The following NTRK3 variants were observed in gnomAD, a reference collection of about 807,000 sequenced individuals.
NTRK3 encodes NT-3 growth factor receptor.
NTRK3 carries 24 observed loss-of-function variants against 91.7 expected under a neutral mutation model. That is an observed-to-expected ratio of 0.26 (90% CI 0.19 to 0.37). The LOEUF (loss-of-function observed/expected upper bound fraction) is 0.37. NTRK3 is among the 10% of genes least tolerant of loss of function. The probability of loss-of-function intolerance (pLI) is 1.00; values close to 1 mark genes in which losing one functional copy is unlikely to be tolerated. For missense variants in NTRK3, 880 were observed against 1,068.9 expected (o/e 0.82, Z 2.46); for synonymous variants, 483 against 404.0 (o/e 1.20, Z -2.34).
intron 3 of NTRK3, among the ~76,000 whole-genome samples, chr15:88,245,425 G>A (rs116995399): frequency 0.036 from 5,490 of 152,266 alleles, 155 homozygotes; most frequent in Non-Finnish European, 0.052. Flanking sequence ...GGCAGAGCCA[G>A]GATTTAAACT....
chr15:88,215,441 G>A (rs769048607), intron 3 of NTRK3, among the ~76,000 whole-genome samples: 6 of 152,192 alleles, frequency 3.9e-5, no homozygotes, highest in African/African-American at 1.2e-4. Flanking sequence ...CTCCGTTGAC[G>A]CAGAGCTCCC....
intron 13 of NTRK3, among the ~76,000 whole-genome samples, chr15:88,113,246 T>G (rs2051623419): frequency 6.6e-6 from 1 of 152,020 alleles, no homozygotes; most frequent in African/African-American, 2.4e-5. Flanking sequence ...TAGCTATTAA[T>G]ATTATGACCT....
exon 19 of NTRK3, chr15:87,876,658 T>C (rs967976284): frequency 1.4e-5 from 3 of 215,422 alleles, no homozygotes; most frequent in Non-Finnish European, 2.8e-5. Context: ...GCAGCTTCTC[T>C]GTGTACTAGA....
intron 17 of NTRK3, among the ~76,000 whole-genome samples, chr15:87,921,483 C>A (rs1295999043): frequency 6.6e-6 from 1 of 152,140 alleles, no homozygotes; most frequent in Non-Finnish European, 1.5e-5. Flanking sequence ...AGGGGTCAAG[C>A]CTCCCTACTC....
chr15:88,116,736 C>T (rs1008973898), intron 13 of NTRK3, among the ~76,000 whole-genome samples: 1 of 152,188 alleles, frequency 6.6e-6, no homozygotes, highest in Non-Finnish European at 1.5e-5. Flanking sequence ...CCAGAATCTT[C>T]CAATATTCAC....
At chr15:88,208,686 G>A (rs562716330) in intron 3 of NTRK3, among the ~76,000 whole-genome samples, 1 of 152,252 alleles carries the variant, frequency 6.6e-6, no homozygotes, top group East Asian at 1.9e-4. Flanking sequence ...GGAAGAGCTG[G>A]GTTTGATGGC....
At chr15:87,865,198 T>C (rs1022209930) in exon 19 of NTRK3, 11 of 206,654 alleles carry the variant, frequency 5.3e-5, no homozygotes, top group Non-Finnish European at 9.9e-6. Flanking sequence ...TAGAAAATCA[T>C]GTATAGCATT....
At chr15:88,169,275 AT>A (rs2045289478) in intron 5 of NTRK3, among the ~76,000 whole-genome samples, 1 of 152,230 alleles carries the variant, frequency 6.6e-6, no homozygotes, top group Admixed American at 6.5e-5. Flanking sequence ...TGAGATTTCA[AT>A]GTTTAATCAG....
At chr15:88,136,534 C>G (rs2041892179) in exon 8 of NTRK3, 1 of 1,613,882 alleles carries the variant, frequency 6.2e-7, no homozygotes. Context: ...TGATCCAGAG[C>G]CATTGCAAGT....
At chr15:88,083,023 T>C (rs902991192) in intron 13 of NTRK3, among the ~76,000 whole-genome samples, 1 of 152,228 alleles carries the variant, frequency 6.6e-6, no homozygotes, top group African/African-American at 2.4e-5. Flanking sequence ...CTTTGGAATG[T>C]CTGGATGACT....
At chr15:87,909,599 T>A (rs1385429253) in intron 17 of NTRK3, among the ~76,000 whole-genome samples, 1 of 152,034 alleles carries the variant, frequency 6.6e-6, no homozygotes, top group East Asian at 1.9e-4. Flanking sequence ...GATGGGCAGT[T>A]GGGAAGAGAA....
At chr15:87,875,662 C>A (rs530794172) in exon 19 of NTRK3, 1 of 232,812 alleles carries the variant, frequency 4.3e-6, no homozygotes, top group East Asian at 6.1e-5. Flanking sequence ...GAGGAGAATG[C>A]CAAGGGGCCT....
intron 17 of NTRK3, 100 bp downstream of exon 17, chr15:87,929,091 T>C (rs2068570000): frequency 3.8e-6 from 6 of 1,575,468 alleles, no homozygotes; most frequent in Non-Finnish European, 5.2e-6. Context: ...GGTGTGTATA[T>C]GTGTGTGCCA....
chr15:88,069,892 T>C (rs2046961383), intron 13 of NTRK3, among the ~76,000 whole-genome samples: 1 of 152,142 alleles, frequency 6.6e-6, no homozygotes, highest in Non-Finnish European at 1.5e-5. Context: ...GTGCCTCCTC[T>C]CTGGCACTTG....
At chr15:87,876,858 A>T (rs1596046051) in exon 19 of NTRK3, 1 of 1,490,220 alleles carries the variant, frequency 6.7e-7, no homozygotes, top group Non-Finnish European at 9.4e-7. Context: ...GGATGGAAGG[A>T]GTTGTGAGGT....
chr15:87,933,612 A>G (rs763481892), intron 15 of NTRK3, among the ~76,000 whole-genome samples: 1 of 152,266 alleles, frequency 6.6e-6, no homozygotes, highest in Non-Finnish European at 1.5e-5. Flanking sequence ...AGCTTTGTGA[A>G]TTAGTCACAT....
chr15:87,950,826 A>G (rs1261785996), intron 14 of NTRK3, among the ~76,000 whole-genome samples: 1 of 152,176 alleles, frequency 6.6e-6, no homozygotes, highest in Non-Finnish European at 1.5e-5. Flanking sequence ...ATTCTCCCTT[A>G]TTATTGTTAC....
chr15:88,030,697 T>G (rs1490754446), intron 14 of NTRK3, among the ~76,000 whole-genome samples: 1 of 151,918 alleles, frequency 6.6e-6, no homozygotes, highest in African/African-American at 2.4e-5. Flanking sequence ...ATGTGTAGAG[T>G]GACAAAATGT....
chr15:87,952,608 C>T (rs1447338765), intron 14 of NTRK3, among the ~76,000 whole-genome samples: 3 of 152,212 alleles, frequency 2.0e-5, no homozygotes, highest in Non-Finnish European at 4.4e-5. Flanking sequence ...ATCTTGGCCG[C>T]CGGCTCACCC....
Sources: allele counts gnomAD v4.1 joint callset (sites outside exome capture counted in the v4.1 genomes callset), GRCh38; gene constraint gnomAD v4.1.1; transcripts MANE v1.5; gene names NCBI Gene and HGNC (gene_info 2026-07-23, HGNC 2026-07-21).